Variants in PLXNA4 observed in about 807,000 individuals in gnomAD.
The protein encoded by PLXNA4 is plexin A4.
PLXNA4 carries 44 observed loss-of-function variants against 191.8 expected under a neutral mutation model. That is an observed-to-expected ratio of 0.23 (90% CI 0.18 to 0.29). PLXNA4 has a LOEUF of 0.29. PLXNA4 is among the 10% of genes least tolerant of loss of function. PLXNA4 has a pLI of 1.00. For synonymous variants in PLXNA4, 1,082 were observed against 1,009.5 expected (o/e 1.07, Z -1.36); for missense variants, 1,800 against 2,488.8 (o/e 0.72, Z 5.89).
At chr7:132,263,419 A>G (rs1167376106) in intron 4 of PLXNA4, among the ~76,000 whole-genome samples, 1 of 152,172 alleles carries the variant, frequency 6.6e-6, no homozygotes, top group Non-Finnish European at 1.5e-5. Context: ...GCAGCAGCCT[A>G]CTGTTTACTA....
intron 3 of PLXNA4, among the ~76,000 whole-genome samples, chr7:132,445,794 C>T (rs1342399175): frequency 2.0e-5 from 3 of 152,146 alleles, no homozygotes; most frequent in African/African-American, 7.2e-5. Context: ...CCGAAGGGTG[C>T]CAGGAAGCTC....
At chr7:132,625,402 C>T (rs372107115) in intron 2 of PLXNA4, among the ~76,000 whole-genome samples, 7 of 152,236 alleles carry the variant, frequency 4.6e-5, no homozygotes, top group African/African-American at 1.7e-4. Flanking sequence ...TATGTGAGTT[C>T]ATCTCCAATA....
At chr7:132,408,990 C>T (rs1035698166) in intron 3 of PLXNA4, among the ~76,000 whole-genome samples, 2 of 151,998 alleles carry the variant, frequency 1.3e-5, no homozygotes, top group Admixed American at 6.6e-5. Context: ...AGAATGGGAT[C>T]TCAAAAAGGG....
chr7:132,259,602 C>A (rs777363548), intron 4 of PLXNA4, among the ~76,000 whole-genome samples: 8 of 152,050 alleles, frequency 5.3e-5, no homozygotes, highest in Non-Finnish European at 1.0e-4. Flanking sequence ...CTCACTGAAG[C>A]CTTTGTGCAT....
At chr7:132,331,764 G>A (rs1585001990) in intron 3 of PLXNA4, among the ~76,000 whole-genome samples, 1 of 152,314 alleles carries the variant, frequency 6.6e-6, no homozygotes, top group East Asian at 1.9e-4. Flanking sequence ...CAAGCACTAT[G>A]GTTGAAAGAG....
chr7:132,329,878 G>A (rs186201374), intron 3 of PLXNA4, among the ~76,000 whole-genome samples: 1 of 152,236 alleles, frequency 6.6e-6, no homozygotes, highest in Admixed American at 6.5e-5. Context: ...AGATCTTCTG[G>A]TTACATAATA....
intron 1 of PLXNA4, among the ~76,000 whole-genome samples, chr7:132,561,528 CCTCCTT>C (rs1801068267): frequency 1.7e-5 from 2 of 115,054 alleles, no homozygotes; most frequent in Non-Finnish European, 3.4e-5. Flanking sequence ...TTCTCCTCCT[CCTCCTT>C]CTCCTCCTCC....
At chr7:132,206,576 C>T (rs544939907) in intron 10 of PLXNA4, among the ~76,000 whole-genome samples, 1 of 152,176 alleles carries the variant, frequency 6.6e-6, no homozygotes, top group East Asian at 1.9e-4. Context: ...TCCCCCAATC[C>T]TGGGATCTAA....
chr7:132,542,102 C>T (rs1219959272), intron 1 of PLXNA4, among the ~76,000 whole-genome samples: 1 of 152,086 alleles, frequency 6.6e-6, no homozygotes, highest in Non-Finnish European at 1.5e-5. Context: ...TGGGTGGTCT[C>T]TGTGTTTTCT....
chr7:132,474,130 T>G (rs73442723), intron 3 of PLXNA4, among the ~76,000 whole-genome samples: 6,214 of 149,914 alleles, frequency 0.041, 206 homozygotes, highest in African/African-American at 0.084. Context: ...AGAGCCCAAA[T>G]GCAAAGGCAG....
chr7:132,253,232 CTTT>C (rs56010775), intron 4 of PLXNA4, among the ~76,000 whole-genome samples: 9 of 134,434 alleles, frequency 6.7e-5, no homozygotes, highest in Admixed American at 2.2e-4. Context: ...TTTCTTTTTT[CTTT>C]TTTTTTTTTT....
At chr7:132,181,957 C>T in intron 17 of PLXNA4, 140 bp downstream of exon 17, 1 of 1,373,714 alleles carries the variant, frequency 7.3e-7, no homozygotes, top group Non-Finnish European at 1.0e-6. Context: ...TTCCACTATC[C>T]TAGTATTCAA....
At chr7:132,505,982 T>C (rs913269758) in intron 2 of PLXNA4, among the ~76,000 whole-genome samples, 8 of 152,098 alleles carry the variant, frequency 5.3e-5, no homozygotes, top group Non-Finnish European at 1.0e-4. Flanking sequence ...CCCTCCATTC[T>C]CCAGTCTGGC....
chr7:132,595,310 C>G (rs537495059), intron 2 of PLXNA4, among the ~76,000 whole-genome samples: 2 of 152,196 alleles, frequency 1.3e-5, no homozygotes, highest in Admixed American at 6.5e-5. Flanking sequence ...CATGGTATCC[C>G]CAATATTGGA....
At chr7:132,285,400 C>T (rs1160779077) in intron 4 of PLXNA4, among the ~76,000 whole-genome samples, 6 of 152,166 alleles carry the variant, frequency 3.9e-5, no homozygotes, top group Non-Finnish European at 7.3e-5. Flanking sequence ...GTTCCTCCAC[C>T]TCTTCATTGT....
Position 132,507,995 on chromosome 7 carries a change from G to T in PLXNA4, c.699C>A (p.Thr233=). 6.2e-7 allele frequency: 1 copy of T among 1,614,216 alleles called. No individual in the cohort carries two copies. The highest frequency in any genetic ancestry group is 1.1e-5 in the South Asian group (1 of 91,088). Residue 233 remains threonine (T), a synonymous_variant, in exon 2 of 32, where the codon ACC becomes ACA. Coordinates refer to ENST00000321063, the MANE Select transcript of PLXNA4 (RefSeq NM_020911.2). The part of the protein sequence containing the change: ...VASMIKIPSD[T]FTIIPDFDIY... ...TATCAAAGTCAGGGATGATGGTGAA[G>T]GTGTCCGAAGGGATCTTAATCATCG...
At chr7:132,431,441 C>A (rs1051793289) in intron 3 of PLXNA4, among the ~76,000 whole-genome samples, 1 of 152,172 alleles carries the variant, frequency 6.6e-6, no homozygotes. Context: ...AATGTGCAGT[C>A]CCATGTGGGG....
chr7:132,315,833 A>C (rs1032118770), intron 3 of PLXNA4, among the ~76,000 whole-genome samples: 2 of 152,196 alleles, frequency 1.3e-5, no homozygotes, highest in Non-Finnish European at 2.9e-5. Flanking sequence ...AAAGGCAGAG[A>C]TGGAGGAAAG....
At chr7:132,516,220 T>TTTTATTTATTTATTTA (rs58035948) in intron 1 of PLXNA4, among the ~76,000 whole-genome samples, 13 of 148,322 alleles carry the variant, frequency 8.8e-5, no homozygotes, top group Middle Eastern at 7.0e-3. Flanking sequence ...CATTTTGTCC[T>TTTTATTTATTTATTTA]TTTATTTATT....
Sources: allele counts gnomAD v4.1 joint callset (sites outside exome capture counted in the v4.1 genomes callset), GRCh38; gene constraint gnomAD v4.1.1; transcripts MANE v1.5; gene names NCBI Gene and HGNC (gene_info 2026-07-23, HGNC 2026-07-21).